Variants in CREB3L2 observed in about 807,000 individuals in gnomAD.
CREB3L2 encodes the protein cAMP responsive element binding protein 3 like 2, also known as cyclic AMP-responsive element-binding protein 3-like protein 2.
A neutral mutation model predicts 57.2 loss-of-function variants in CREB3L2; 23 were observed. The observed-to-expected ratio is 0.40, with a 90% CI of 0.29 to 0.57. The LOEUF is 0.57. CREB3L2 is among the 20% of genes least tolerant of loss of function. The pLI, the probability that CREB3L2 is intolerant of heterozygous loss-of-function variation, is 0.42. For missense variants in CREB3L2, 628 were observed against 634.7 expected, an observed-to-expected ratio of 0.99 and a Z score of 0.11; for synonymous variants, 268 against 265.1, an observed-to-expected ratio of 1.01 and a Z score of -0.11.
chr7:137,943,206 A>G (rs1277110034), intron 1 of CREB3L2, among the ~76,000 whole-genome samples: 2 of 152,174 alleles, frequency 1.3e-5, no homozygotes, highest in African/African-American at 4.8e-5. Context: ...TGGTATTCTG[A>G]GACCAACTAT....
intron 1 of CREB3L2, among the ~76,000 whole-genome samples, chr7:137,981,488 A>T (rs1382814229): frequency 6.6e-6 from 1 of 152,234 alleles, no homozygotes. Flanking sequence ...GAGAACCAGG[A>T]AGTAGAGAAC....
intron 1 of CREB3L2, among the ~76,000 whole-genome samples, chr7:137,970,195 G>A (rs995102152): frequency 1.3e-5 from 2 of 152,208 alleles, no homozygotes; most frequent in Non-Finnish European, 2.9e-5. Flanking sequence ...GGTTGATTAT[G>A]AGAGTTAAAT....
intron 1 of CREB3L2, among the ~76,000 whole-genome samples, chr7:137,956,076 T>C (rs928549434): frequency 6.6e-6 from 1 of 152,192 alleles, no homozygotes; most frequent in African/African-American, 2.4e-5. Context: ...CTGCCACTTG[T>C]GTTACTAGGC....
chr7:138,001,895 G>C lies in CREB3L2; in HGVS notation c.-190C>G. 2.1e-6 allele frequency: 1 copy of C among 468,356 alleles called. No individual in the cohort carries two copies. The allele number at this position is 468,356 out of a possible 1,614,324, so 29.0% of individuals were successfully genotyped here. The stretch of plus-strand genomic sequence containing the variant: ...AGAGGATGGCCAAGCGCTCCCGTCC[G>C]GTGTCCTCGGAGATCCGAGAATCCC... On this transcript the variant is annotated 5_prime_UTR_variant, in exon 1 of 12. Coordinates refer to ENST00000330387, the MANE Select transcript of CREB3L2 (RefSeq NM_194071.4). This position sits in a 1 kb window ranked among gnomAD's most constrained non-coding sequence, Gnocchi z 4.2.
In CREB3L2 at chr7:137,875,147, G is replaced by T. The variant is rs113522368; in HGVS notation, c.*5329C>A. On this transcript the variant is annotated 3_prime_UTR_variant, in exon 12 of 12. Transcript: ENST00000330387. ...GAATAAAAAGTCATTTAAAAAACGC[G>T]ATAGGACAGATAACAGACTCACAAC... The T allele has an allele frequency of 5.0e-6, 1 of 201,456 alleles. No homozygotes were observed. Among genetic ancestry groups the T allele is most frequent in the African/African-American group, 2.3e-5 (1 of 43,002 alleles). 12.5% of individuals were successfully genotyped at this position (201,456 alleles called of 1,614,324 possible). A position where few individuals can be genotyped will look rare whatever the true frequency, so the allele number is the denominator to read the frequency against.
At chr7:137,927,636 G>A (rs1276211990) in intron 2 of CREB3L2, among the ~76,000 whole-genome samples, 2 of 152,046 alleles carry the variant, frequency 1.3e-5, no homozygotes, top group Admixed American at 6.5e-5. Context: ...CACACTCATG[G>A]CATTGATGAT....
Position 137,980,455 on chromosome 7 carries a change from TGA to T in CREB3L2, c.102+21147_102+21148del, listed in dbSNP as rs762371020. 8.5e-5 allele frequency among the ~76,000 whole-genome samples: 13 copies of T among 152,200 alleles called. No homozygotes were observed. The highest frequency in any genetic ancestry group is 1.8e-4 in the Non-Finnish European group (12 of 68,032). On this transcript the variant is annotated intron_variant, in intron 1 of 11. Transcript: ENST00000330387. This position sits in a 1 kb window ranked among gnomAD's most constrained non-coding sequence, Gnocchi z 4.3. ...AGCTCAGGAGAGTGGTCACCCAGGCTGAGTTATGCAAGTGACCACAGGCTCAG... is the reference window on the plus strand; with the variant it reads ...AGCTCAGGAGAGTGGTCACCCAGGCTGTTATGCAAGTGACCACAGGCTCAG...
intron 1 of CREB3L2, among the ~76,000 whole-genome samples, chr7:137,961,792 C>T (rs1801328255): frequency 6.6e-6 from 1 of 152,196 alleles, no homozygotes; most frequent in African/African-American, 2.4e-5. Context: ...GCAATTCTTC[C>T]ATTCATCCTT....
intron 1 of CREB3L2, among the ~76,000 whole-genome samples, chr7:137,976,735 T>C (rs1419525620): frequency 6.6e-6 from 1 of 152,342 alleles, no homozygotes; most frequent in East Asian, 1.9e-4. Context: ...TTTAATTTAG[T>C]CAGTTTTGAG....
intron 8 of CREB3L2, among the ~76,000 whole-genome samples, chr7:137,888,216 T>C (rs984372812): frequency 6.6e-6 from 1 of 152,194 alleles, no homozygotes; most frequent in Non-Finnish European, 1.5e-5. Flanking sequence ...CTCTCACCTC[T>C]GCCTCCCAAA....
rs565586407 is a variant in CREB3L2 at position 137,914,247 on chromosome 7, C to T, written c.496-1169G>A. On this transcript the variant is annotated intron_variant, in intron 3 of 11. Transcript: ENST00000330387. ...CCTAATGACTGATGGTATCTAATCACGAAAATCCTGGTAGGGAAAGGAGAA... is the reference window on the plus strand; with the variant it reads ...CCTAATGACTGATGGTATCTAATCATGAAAATCCTGGTAGGGAAAGGAGAA... Among the ~76,000 whole-genome samples the T allele has an allele frequency of 5.9e-5, 9 of 151,970 alleles. No individual in the cohort carries two copies. In the South Asian group the frequency reaches 1.5e-3, roughly 25 times the overall value.
At chr7:137,989,824 A>G (rs1281556796) in intron 1 of CREB3L2, among the ~76,000 whole-genome samples, 1 of 152,162 alleles carries the variant, frequency 6.6e-6, no homozygotes, top group African/African-American at 2.4e-5. Flanking sequence ...CCGTCAACTC[A>G]GCCTTCCAAG....
At chr7:137,952,285 A>G (rs1048947825) in intron 1 of CREB3L2, among the ~76,000 whole-genome samples, 13 of 152,168 alleles carry the variant, frequency 8.5e-5, no homozygotes, top group Admixed American at 2.0e-4. Flanking sequence ...TCTTCCTAGT[A>G]TGGACCTGAT....
At chr7:137,987,492 A>T (rs1409983194) in intron 1 of CREB3L2, among the ~76,000 whole-genome samples, 1 of 152,222 alleles carries the variant, frequency 6.6e-6, no homozygotes, top group Non-Finnish European at 1.5e-5. Flanking sequence ...CTTATCTGTG[A>T]CTAATCTCTA....
intron 1 of CREB3L2, among the ~76,000 whole-genome samples, chr7:137,990,207 G>T (rs570014631): frequency 2.6e-4 from 40 of 152,240 alleles, no homozygotes; most frequent in Non-Finnish European, 4.7e-4. Context: ...AATGACTTGG[G>T]ATTCCCAGGA....
intron 8 of CREB3L2, among the ~76,000 whole-genome samples, chr7:137,898,583 T>C (rs1406597302): frequency 6.6e-6 from 1 of 152,220 alleles, no homozygotes; most frequent in Non-Finnish European, 1.5e-5. Context: ...AGCCAATAAG[T>C]ATACATTGTG....
At chr7:137,964,219 G>A (rs892556387) in intron 1 of CREB3L2, among the ~76,000 whole-genome samples, 3 of 152,212 alleles carry the variant, frequency 2.0e-5, no homozygotes, top group Admixed American at 2.0e-4. Flanking sequence ...GGGAGGCTGA[G>A]GCAGGAGAAT....
At chr7:137,891,066 G>A (rs1286599191) in intron 8 of CREB3L2, among the ~76,000 whole-genome samples, 1 of 152,190 alleles carries the variant, frequency 6.6e-6, no homozygotes, top group Non-Finnish European at 1.5e-5. Flanking sequence ...CTTAGCATAC[G>A]TTTATCTGGG....
At chr7:137,882,354 G>T in intron 11 of CREB3L2, 58 bp downstream of exon 11, 1 of 1,341,926 alleles carries the variant, frequency 7.5e-7, no homozygotes, top group Non-Finnish European at 1.1e-6. Context: ...TCAGGTTGCT[G>T]ACTCATAACC....
Sources: gnomAD v4.1 joint callset for allele counts (sites outside exome capture counted in the v4.1 genomes callset) on GRCh38, gnomAD v4.1.1 for gene constraint, Gnocchi (gnomAD v3.1) non-coding constraint, MANE v1.5 for transcripts, NCBI Gene and HGNC (gene_info 2026-07-23, HGNC 2026-07-21) for gene names.